Variants in RABGAP1 observed in about 807,000 individuals in gnomAD.
RABGAP1 encodes the protein RAB GTPase activating protein 1, also known as rab GTPase-activating protein 1.
RABGAP1 carries 23 observed loss-of-function variants against 137.6 expected under a neutral mutation model. The ratio of observed to expected loss-of-function variants is 0.17; its 90% CI spans 0.12 to 0.24. RABGAP1 has a LOEUF of 0.24. RABGAP1 is among the 10% of genes least tolerant of loss of function. The pLI, the probability that RABGAP1 is intolerant of heterozygous loss-of-function variation, is 1.00. For missense variants in RABGAP1, 906 were observed against 1,275.8 expected (o/e 0.71, Z 4.42); for synonymous variants, 451 against 450.7 (o/e 1.00, Z -0.01).
At chr9:122,989,716 G>C (rs1389023125) in intron 5 of RABGAP1, 1 of 549,734 alleles carries the variant, frequency 1.8e-6, no homozygotes, top group Non-Finnish European at 3.2e-6. Context: ...GGTTAAGTAG[G>C]CATTCTGGTT....
At chr9:122,949,343 T>C (rs1834102913) in intron 1 of RABGAP1, among the ~76,000 whole-genome samples, 1 of 152,116 alleles carries the variant, frequency 6.6e-6, no homozygotes, top group South Asian at 2.1e-4. Context: ...CGAAACCCCG[T>C]CTGTGCTAAA....
chr9:122,962,431 G>C (rs1834901111), intron 2 of RABGAP1, among the ~76,000 whole-genome samples: 1 of 151,880 alleles, frequency 6.6e-6, no homozygotes, highest in African/African-American at 2.4e-5. Context: ...TGAGGTGGGA[G>C]AATTACTTGA....
intron 1 of RABGAP1, chr9:122,945,262 G>A (rs1350128660): frequency 6.7e-6 from 1 of 148,838 alleles, no homozygotes; most frequent in Non-Finnish European, 1.5e-5. Context: ...AACAATATTG[G>A]ATAGACGTTT....
chr9:122,941,174 G>C (rs1315300150), intron 1 of RABGAP1, 81 bp downstream of exon 1: 1 of 152,388 alleles, frequency 6.6e-6, no homozygotes, highest in Admixed American at 6.5e-5. Context: ...CCCCTGCGGG[G>C]AGCCAAGCTG....
intron 6 of RABGAP1, 94 bp downstream of exon 6, chr9:122,990,307 T>C: frequency 1.8e-6 from 2 of 1,126,596 alleles, no homozygotes; most frequent in Non-Finnish European, 2.4e-6. Flanking sequence ...AATGATGGCT[T>C]TTAAAGGGAG....
chr9:122,963,821 A>G (rs1029020871), intron 2 of RABGAP1, among the ~76,000 whole-genome samples: 3 of 152,226 alleles, frequency 2.0e-5, no homozygotes, highest in African/African-American at 7.2e-5. Flanking sequence ...GGAACCAAAA[A>G]TTGATTCTTT....
intron 5 of RABGAP1, 85 bp from the exon 6 acceptor site, chr9:122,989,971 C>A: frequency 1.5e-6 from 2 of 1,365,490 alleles, no homozygotes; most frequent in Non-Finnish European, 2.0e-6. Flanking sequence ...AATTATTGCC[C>A]TCCAAAGTAG....
At chr9:122,966,698 A>G (rs1454898442) in intron 2 of RABGAP1, among the ~76,000 whole-genome samples, 1 of 152,162 alleles carries the variant, frequency 6.6e-6, no homozygotes, top group Non-Finnish European at 1.5e-5. Flanking sequence ...CTTGAGATAT[A>G]AGAAAACCCG....
Position 122,984,650 on chromosome 9 carries a change from A to G in RABGAP1, c.316A>G (p.Ile106Val), listed in dbSNP as rs766163000. ...LSNQLSASST[I>V]NPVPLVGLQK... ...TAATCAGCTCTCCGCTTCATCCACC[A>G]TTAACCCTGTGCCATTAGTAGGGCT... is the stretch of plus-strand genomic sequence containing the variant. Residue 106 changes from isoleucine to valine, a missense_variant, in exon 3 of 26, where the codon ATT becomes GTT. Around this residue, in one of 9 missense-constraint regions of RABGAP1, gnomAD observed 331 missense variants for 358.3 expected, o/e 0.92. Coordinates refer to ENST00000373647, the MANE Select transcript of RABGAP1 (RefSeq NM_012197.4). 6.2e-7 allele frequency: 1 copy of G among 1,614,222 alleles called. No individual in the cohort carries two copies. Among genetic ancestry groups the G allele is most frequent in the Admixed American group, 1.7e-5 (1 of 60,024 alleles).
At chr9:123,092,724 A>T (rs1233982437) in intron 21 of RABGAP1, among the ~76,000 whole-genome samples, 2 of 152,198 alleles carry the variant, frequency 1.3e-5, no homozygotes, top group Non-Finnish European at 2.9e-5. Flanking sequence ...AGTGCTTTCT[A>T]TATATTATCA....
intron 2 of RABGAP1, among the ~76,000 whole-genome samples, chr9:122,960,569 T>A (rs918679845): frequency 2.6e-5 from 4 of 152,326 alleles, no homozygotes; most frequent in Admixed American, 2.6e-4. Context: ...GTACTTAGTG[T>A]TGGTACTGTA....
rs116898758 is a variant in RABGAP1, at chr9:123,028,392, C to T, written c.1794+7933C>T. ...AAATAGACAGTTAACTATAAACAAT[C>T]ATAAAGTTGCATGGGAGTTGTAGAA... On this transcript the variant is annotated intron_variant, in intron 13 of 25. Transcript: ENST00000373647. Among the ~76,000 whole-genome samples the T allele has an allele frequency of 8.5e-3, 1,296 of 152,296 alleles. 15 individuals are homozygous for T. Among genetic ancestry groups the T allele is most frequent in the Non-Finnish European group, 0.013 (917 of 68,024 alleles).
intron 24 of RABGAP1, 144 bp from the exon 25 acceptor site, chr9:123,101,422 C>T (rs1291849668): frequency 6.2e-6 from 4 of 645,302 alleles, no homozygotes; most frequent in African/African-American, 3.8e-5. Context: ...GGTTATCTGC[C>T]AGTTTACAAA....
At chr9:123,038,883 G>C (rs1188030983) in intron 13 of RABGAP1, among the ~76,000 whole-genome samples, 1 of 151,954 alleles carries the variant, frequency 6.6e-6, no homozygotes, top group Non-Finnish European at 1.5e-5. Context: ...AAATGAAGTT[G>C]GAACTGAGAA....
At chr9:123,081,796 C>A (rs1421372010) in intron 19 of RABGAP1, among the ~76,000 whole-genome samples, 2 of 152,088 alleles carry the variant, frequency 1.3e-5, no homozygotes, top group Non-Finnish European at 2.9e-5. Flanking sequence ...TGATATAGTT[C>A]TTAAAAGCAT....
chr9:123,052,066 A>G (rs1350870679), intron 13 of RABGAP1, among the ~76,000 whole-genome samples: 1 of 151,896 alleles, frequency 6.6e-6, no homozygotes, highest in Non-Finnish European at 1.5e-5. Context: ...CGACCTCCCA[A>G]AGTACTGGGA....
chr9:123,018,269 G>C lies in RABGAP1; in HGVS notation c.1644-2040G>C, dbSNP rs181940676. Among the ~76,000 whole-genome samples the C allele has an allele frequency of 3.6e-4, 55 of 152,294 alleles. No individual in the cohort carries two copies. In the East Asian group the frequency reaches 0.01, roughly 29 times the overall value. The stretch of plus-strand genomic sequence containing the variant: ...TTAATATGACTGTTAATGGATAAGA[G>C]AACTAATGTCAGTATAAAATAGGTT... On this transcript the variant is annotated intron_variant, in intron 12 of 25. Coordinates refer to ENST00000373647, the MANE Select transcript of RABGAP1 (RefSeq NM_012197.4).
chr9:123,035,168 C>T (rs1404209261), intron 13 of RABGAP1: 2 of 1,613,718 alleles, frequency 1.2e-6, no homozygotes, highest in African/African-American at 1.3e-5. Context: ...ATGTTATATG[C>T]CCCAGCAGCC....
chr9:122,997,134 A>G, intron 8 of RABGAP1, 125 bp from the exon 9 acceptor site: 1 of 674,102 alleles, frequency 1.5e-6, no homozygotes. Flanking sequence ...AATCATTCAC[A>G]TACACTTATC....
Sources: allele counts gnomAD v4.1 joint callset (sites outside exome capture counted in the v4.1 genomes callset), GRCh38; gene constraint gnomAD v4.1.1; regional missense constraint gnomAD v4.1.1; transcripts MANE v1.5; gene names NCBI Gene and HGNC (gene_info 2026-07-23, HGNC 2026-07-21).